B3GALT1: variants seen among roughly 807,000 people sequenced by gnomAD.
B3GALT1 encodes UDP-Gal:betaGlcNAc beta 1,3-galactosyltransferase, polypeptide 1.
A neutral mutation model predicts 23.2 loss-of-function variants in B3GALT1; 10 were observed. The observed-to-expected ratio is 0.43, with a 90% CI of 0.27 to 0.73. The LOEUF (loss-of-function observed/expected upper bound fraction) is 0.73, where lower values mean the gene tolerates loss of function less well. Ranked by LOEUF, B3GALT1 falls within the 30% of genes least tolerant of loss-of-function variation. B3GALT1 has a pLI of 0.21. For synonymous variants in B3GALT1, 156 were observed against 141.5 expected (o/e 1.10, Z -0.73); for missense variants, 299 against 405.4 (o/e 0.74, Z 2.25).
chr2:167,556,714 G>A (rs562232564), intron 2 of B3GALT1, among the ~76,000 whole-genome samples: 1 of 152,256 alleles, frequency 6.6e-6, no homozygotes, highest in South Asian at 2.1e-4. Context: ...CATTGGTCAA[G>A]GATGCCCTTA....
At chr2:167,357,105 T>C (rs576304003) in intron 1 of B3GALT1, among the ~76,000 whole-genome samples, 78 of 152,188 alleles carry the variant, frequency 5.1e-4, no homozygotes, top group African/African-American at 1.7e-3. Flanking sequence ...TAGTGCTTTC[T>C]AGAACTTGTT....
intron 2 of B3GALT1, among the ~76,000 whole-genome samples, chr2:167,504,972 T>G (rs1203307216): frequency 6.6e-6 from 1 of 152,190 alleles, no homozygotes; most frequent in African/African-American, 2.4e-5. Context: ...CATGACTATA[T>G]GTACAGCCAT....
At chr2:167,738,456 G>A (rs17643505) in intron 3 of B3GALT1, among the ~76,000 whole-genome samples, 21,667 of 152,122 alleles carry the variant, frequency 0.14, 1,773 homozygotes, top group South Asian at 0.21. Flanking sequence ...AGAAAATACC[G>A]TGAAGGTGGA....
chr2:167,556,637 A>G (rs1683857666), intron 2 of B3GALT1, among the ~76,000 whole-genome samples: 1 of 152,298 alleles, frequency 6.6e-6, no homozygotes, highest in East Asian at 1.9e-4. Flanking sequence ...AGCTAAGACA[A>G]TGAAGTAATA....
chr2:167,708,446 C>T (rs1005343536), intron 3 of B3GALT1, among the ~76,000 whole-genome samples: 56 of 152,106 alleles, frequency 3.7e-4, no homozygotes, highest in Non-Finnish European at 6.2e-4. Context: ...GGATCACCTG[C>T]TGTCGGGAGT....
At chr2:167,342,884 A>G (rs1161957726) in intron 1 of B3GALT1, among the ~76,000 whole-genome samples, 2 of 152,258 alleles carry the variant, frequency 1.3e-5, no homozygotes, top group East Asian at 1.9e-4. Context: ...CTCAAAAATT[A>G]TGCTTCTTGG....
At chr2:167,649,436 G>C (rs1441246613) in intron 3 of B3GALT1, among the ~76,000 whole-genome samples, 1 of 152,012 alleles carries the variant, frequency 6.6e-6, no homozygotes, top group East Asian at 1.9e-4. Flanking sequence ...AGGAAACCCA[G>C]TATCCATTAA....
intron 3 of B3GALT1, among the ~76,000 whole-genome samples, chr2:167,814,255 A>G (rs1688946734): frequency 6.6e-6 from 1 of 152,206 alleles, no homozygotes; most frequent in Non-Finnish European, 1.5e-5. Flanking sequence ...ACTAAGTTGT[A>G]TCTTAAAGAG....
intron 1 of B3GALT1, among the ~76,000 whole-genome samples, chr2:167,458,625 T>C (rs1699209073): frequency 6.6e-6 from 1 of 152,224 alleles, no homozygotes; most frequent in South Asian, 2.1e-4. Flanking sequence ...TGCTATTTTC[T>C]GTGGTTTTGA....
chr2:167,719,148 A>G (rs1189500243), intron 3 of B3GALT1, among the ~76,000 whole-genome samples: 1 of 152,160 alleles, frequency 6.6e-6, no homozygotes, highest in Non-Finnish European at 1.5e-5. Context: ...TTGACTACCA[A>G]AGCACACTAG....
intron 1 of B3GALT1, among the ~76,000 whole-genome samples, chr2:167,348,182 T>C (rs530535746): frequency 1.5e-4 from 23 of 152,176 alleles, no homozygotes; most frequent in African/African-American, 5.5e-4. Flanking sequence ...CCTTAAAATA[T>C]TATTATTAAA....
chr2:167,294,962 C>A (rs183430592), intron 1 of B3GALT1, among the ~76,000 whole-genome samples: 1 of 152,084 alleles, frequency 6.6e-6, no homozygotes, highest in Non-Finnish European at 1.5e-5. Flanking sequence ...AAGTAAGGCA[C>A]GTAATAGAAA....
At chr2:167,694,600 C>T (rs1250305177) in intron 3 of B3GALT1, among the ~76,000 whole-genome samples, 1 of 151,972 alleles carries the variant, frequency 6.6e-6, no homozygotes, top group Non-Finnish European at 1.5e-5. Flanking sequence ...AAAAAGTTGG[C>T]TAGGCCTTTT....
chr2:167,645,724 T>G (rs112708980), intron 2 of B3GALT1, among the ~76,000 whole-genome samples: 6,345 of 152,006 alleles, frequency 0.042, 457 homozygotes, highest in African/African-American at 0.15. Context: ...TGAGCCACCA[T>G]GCCTGGCTCA....
chr2:167,770,813 G>T (rs867155074), intron 3 of B3GALT1, among the ~76,000 whole-genome samples: 1 of 152,180 alleles, frequency 6.6e-6, no homozygotes, highest in Middle Eastern at 3.4e-3. Context: ...ATTATAAATG[G>T]ACATAGAAAA....
intron 1 of B3GALT1, among the ~76,000 whole-genome samples, chr2:167,397,774 C>G (rs550925143): frequency 6.6e-6 from 1 of 152,086 alleles, no homozygotes; most frequent in Non-Finnish European, 1.5e-5. Context: ...GTAGATCGGG[C>G]TAACCCTTAT....
chr2:167,604,065 C>G (rs1373943678), intron 2 of B3GALT1, among the ~76,000 whole-genome samples: 1 of 152,066 alleles, frequency 6.6e-6, no homozygotes, highest in East Asian at 1.9e-4. Flanking sequence ...GAAGAAATTT[C>G]CTGAACTGAA....
chr2:167,830,332 G>A (rs1689320827), intron 4 of B3GALT1, among the ~76,000 whole-genome samples: 1 of 150,692 alleles, frequency 6.6e-6, no homozygotes, highest in Non-Finnish European at 1.5e-5. Context: ...GATGAGGAAA[G>A]ACATTAAGCG....
At chr2:167,413,279 A>G (rs974852954) in intron 1 of B3GALT1, among the ~76,000 whole-genome samples, 4 of 152,048 alleles carry the variant, frequency 2.6e-5, no homozygotes, top group Non-Finnish European at 4.4e-5. Context: ...GACCTAATAT[A>G]TGACCAGTTT....
Sources: gnomAD v4.1 joint callset for allele counts (sites outside exome capture counted in the v4.1 genomes callset) on GRCh38, gnomAD v4.1.1 for gene constraint, MANE v1.5 for transcripts, NCBI Gene and HGNC (gene_info 2026-07-23, HGNC 2026-07-21) for gene names.